RAB33A: variants seen among roughly 807,000 people sequenced by gnomAD.
The protein encoded by RAB33A is ras-related protein Rab-33A.
In RAB33A, 6 loss-of-function variants were observed where a neutral mutation model predicts 12.0. The ratio of observed to expected loss-of-function variants is 0.50; its 90% confidence interval spans 0.27 to 0.99. RAB33A has a LOEUF of 0.99. Among genes scored for constraint, RAB33A ranks in the 50% least tolerant of loss-of-function variants. The pLI, the probability that RAB33A is intolerant of heterozygous loss-of-function variation, is 0.11. For synonymous variants in RAB33A, 70 were observed against 82.4 expected (o/e 0.85, Z 0.81); for missense variants, 109 against 192.0 (o/e 0.57, Z 2.55).
chrX:130,133,262 T>C, the RAB33A span: 1 of 1,200,435 alleles, frequency 8.3e-7, no homozygotes. Context: ...GTTATGGTCC[T>C]AGAGATACTG....
the RAB33A span, chrX:130,137,628 C>A: frequency 8.9e-7 from 1 of 1,123,897 alleles, no homozygotes; most frequent in Non-Finnish European, 1.2e-6. Context: ...AAGTTTTTGG[C>A]ATTTTACAGG....
chrX:130,182,231 AAT>A (rs970454854), intron 1 of RAB33A, among the ~76,000 whole-genome samples: 3 of 101,881 alleles, frequency 2.9e-5, no homozygotes, highest in African/African-American at 1.1e-4. Context: ...ATATATATGT[AAT>A]ATATATAACA....
the RAB33A span, among the ~76,000 whole-genome samples, chrX:130,127,666 G>T: frequency 9.7e-6 from 1 of 103,112 alleles, no homozygotes; most frequent in African/African-American, 3.6e-5. Flanking sequence ...TAATTTCGAT[G>T]TCACAGGATA....
intron 1 of RAB33A, among the ~76,000 whole-genome samples, chrX:130,183,541 C>A (rs781608815): frequency 9.2e-6 from 1 of 108,453 alleles, no homozygotes; most frequent in East Asian, 2.9e-4. Context: ...GGTGACAGAG[C>A]GAGACACGGT....
the RAB33A span, among the ~76,000 whole-genome samples, chrX:130,161,528 A>C: frequency 5.5e-5 from 6 of 108,483 alleles, no homozygotes; most frequent in Admixed American, 2.0e-4. Flanking sequence ...AAAAAAAAAA[A>C]AAAACACAGG....
chrX:130,178,328 AG>A lies in RAB33A; in HGVS notation c.259-5956del, dbSNP rs2031684464. On this transcript the variant is annotated intron_variant, in intron 1 of 1. Transcript: ENST00000257017. ...ATGAGATCTTGTCTGGAAAAGAGAG[AG>A]AGAGAGAGAGAGAAAGAGACCAGGC... is the stretch of plus-strand genomic sequence containing the variant. Among the ~76,000 whole-genome samples the A allele has an allele frequency of 5.6e-5, 6 of 107,989 alleles. No homozygotes were observed. In the East Asian group the frequency reaches 1.8e-3, roughly 32 times the overall value. The allele number at this position is 107,989 out of a possible 115,157, so 93.8% of individuals were successfully genotyped here. A position where few individuals can be genotyped will look rare whatever the true frequency, so the allele number is the denominator to read the frequency against.
chrX:130,130,113 T>C, the RAB33A span: 19 of 1,209,983 alleles, frequency 1.6e-5, 1 homozygote, highest in Admixed American at 6.6e-5. Flanking sequence ...CTGGGAGGAA[T>C]AGTAATTTCT....
intron 1 of RAB33A, among the ~76,000 whole-genome samples, chrX:130,181,007 C>CAAAAAAAAAAAAAAAAA (rs60085312): frequency 1.2e-4 from 1 of 8,129 alleles, no homozygotes; most frequent in African/African-American, 3.4e-4. Context: ...CAGTCCATCT[C>CAAAAAAAAAAAAAAAAA]AAAAAAAAAA....
the RAB33A span, among the ~76,000 whole-genome samples, chrX:130,127,389 T>C: frequency 9.0e-6 from 1 of 111,271 alleles, no homozygotes; most frequent in Non-Finnish European, 1.9e-5. Context: ...GCAGTGGCTA[T>C]GTTTTATCTA....
the RAB33A span, chrX:130,155,298 G>C: frequency 8.3e-7 from 1 of 1,207,794 alleles, no homozygotes; most frequent in Non-Finnish European, 1.1e-6. Flanking sequence ...TGTAGGTAAA[G>C]ATAAGGCCAA....
At chrX:130,139,956 C>T in the RAB33A span, 1 of 812,471 alleles carries the variant, frequency 1.2e-6, no homozygotes, top group Non-Finnish European at 1.9e-6. Flanking sequence ...AAAGGTGGAG[C>T]CCTCTTCACT....
chrX:130,180,218 C>T (rs2031707791), intron 1 of RAB33A, among the ~76,000 whole-genome samples: 1 of 111,652 alleles, frequency 9.0e-6, no homozygotes, highest in Non-Finnish European at 1.9e-5. Flanking sequence ...CCATGTGATG[C>T]CACATACAGT....
the RAB33A span, chrX:130,136,727 C>T: frequency 8.3e-7 from 1 of 1,207,167 alleles, no homozygotes; most frequent in African/African-American, 1.8e-5. Flanking sequence ...TCACCTTAAC[C>T]CCCTCTGTAA....
chrX:130,178,112 C>T (rs1175310875), intron 1 of RAB33A, among the ~76,000 whole-genome samples: 3 of 111,339 alleles, frequency 2.7e-5, no homozygotes, highest in African/African-American at 9.8e-5. Context: ...GAGATCCAGA[C>T]CAGCCTGGGC....
chrX:130,163,447 T>A, the RAB33A span, among the ~76,000 whole-genome samples: 2 of 111,344 alleles, frequency 1.8e-5, no homozygotes, highest in Non-Finnish European at 3.8e-5. Flanking sequence ...CAGTTAGGAA[T>A]CAAGCCACAA....
the RAB33A span, among the ~76,000 whole-genome samples, chrX:130,122,983 A>G: frequency 1.3e-3 from 150 of 111,809 alleles, 1 homozygote; most frequent in African/African-American, 4.8e-3. Flanking sequence ...CAAAAGCCAT[A>G]AACTAAAAAC....
At chrX:130,136,970 A>T in the RAB33A span, 7 of 1,190,054 alleles carry the variant, frequency 5.9e-6, no homozygotes, top group African/African-American at 1.8e-5. Flanking sequence ...AACATTTTAC[A>T]GGCCAGGTGA....
the RAB33A span, chrX:130,140,473 T>C: frequency 1.0e-6 from 1 of 985,972 alleles, no homozygotes; most frequent in Non-Finnish European, 1.4e-6. Context: ...TAGAGAAGGC[T>C]GGACTCTAAA....
chrX:130,148,457 G>T, the RAB33A span, among the ~76,000 whole-genome samples: 1 of 111,756 alleles, frequency 8.9e-6, no homozygotes, highest in African/African-American at 3.3e-5. Context: ...TGTGCTTTAG[G>T]AAAGCAAATA....
Sources: allele counts gnomAD v4.1 joint callset (sites outside exome capture counted in the v4.1 genomes callset), GRCh38; gene constraint gnomAD v4.1.1; transcripts MANE v1.5; gene names NCBI Gene and HGNC (gene_info 2026-07-23, HGNC 2026-07-21).